The following DOK6 variants were observed in gnomAD, a reference collection of about 807,000 sequenced individuals.
DOK6 encodes the protein docking protein 6, also known as downstream of tyrosine kinase 6.
Under a neutral mutation model 44.0 loss-of-function variants are expected in DOK6, and 22 were observed. The ratio of observed to expected loss-of-function variants is 0.50; its 90% CI spans 0.36 to 0.71. The LOEUF (loss-of-function observed/expected upper bound fraction) is 0.71, where lower values mean the gene tolerates loss of function less well. DOK6 is among the 30% of genes least tolerant of loss of function. The pLI is 0.00. For missense variants in DOK6, 340 were observed against 416.4 expected (o/e 0.82, Z 1.60); for synonymous variants, 166 against 145.5 (o/e 1.14, Z -1.01).
chr18:69,712,551 A>C (rs1362478568), intron 5 of DOK6, among the ~76,000 whole-genome samples: 1 of 152,060 alleles, frequency 6.6e-6, no homozygotes, highest in East Asian at 1.9e-4. Flanking sequence ...TCTTTCTATA[A>C]ATGTACATTG....
At chr18:69,814,864 T>A (rs1258528827) in intron 7 of DOK6, among the ~76,000 whole-genome samples, 1 of 152,050 alleles carries the variant, frequency 6.6e-6, no homozygotes, top group African/African-American at 2.4e-5. Flanking sequence ...AAGATGAGAT[T>A]TGGGTGAGTA....
chr18:69,734,096 C>T (rs1978514600), intron 5 of DOK6, among the ~76,000 whole-genome samples: 2 of 151,726 alleles, frequency 1.3e-5, no homozygotes, highest in African/African-American at 4.8e-5. Context: ...TTTTTTTCCC[C>T]ATTTGCTTTC....
chr18:69,813,483 C>T (rs998573821), intron 7 of DOK6, among the ~76,000 whole-genome samples: 5 of 151,372 alleles, frequency 3.3e-5, no homozygotes, highest in African/African-American at 9.7e-5. Context: ...ATTGGGGAGG[C>T]CCAAATAGAA....
intron 1 of DOK6, among the ~76,000 whole-genome samples, chr18:69,466,765 A>G (rs1007087071): frequency 4.0e-5 from 6 of 151,692 alleles, no homozygotes; most frequent in African/African-American, 9.7e-5. Flanking sequence ...GGGAAAAAAA[A>G]GTAGGAAAAG....
chr18:69,631,123 G>A (rs888006229), intron 3 of DOK6, among the ~76,000 whole-genome samples: 2 of 151,842 alleles, frequency 1.3e-5, no homozygotes, highest in Non-Finnish European at 2.9e-5. Context: ...AAAAAAAGCG[G>A]TTCTCATTTT....
At chr18:69,712,198 G>A (rs368068039) in intron 5 of DOK6, among the ~76,000 whole-genome samples, 8 of 138,996 alleles carry the variant, frequency 5.8e-5, no homozygotes, top group East Asian at 2.2e-4. Context: ...GGAGAATGGC[G>A]TGAATCCGGG....
At chr18:69,823,762 C>T (rs1176072626) in intron 7 of DOK6, among the ~76,000 whole-genome samples, 2 of 151,892 alleles carry the variant, frequency 1.3e-5, no homozygotes, top group South Asian at 2.1e-4. Context: ...CTTTTAGCTC[C>T]CCTGAGACCC....
At chr18:69,401,635 C>G (rs1041572327) in intron 1 of DOK6, among the ~76,000 whole-genome samples, 4 of 152,016 alleles carry the variant, frequency 2.6e-5, no homozygotes, top group Middle Eastern at 3.2e-3. Context: ...CTTTGCGGTG[C>G]TATCCACGAT....
At chr18:69,704,475 CTTTTT>C (rs10685670) in intron 5 of DOK6, among the ~76,000 whole-genome samples, 6 of 107,182 alleles carry the variant, frequency 5.6e-5, no homozygotes, top group Admixed American at 3.3e-4. Context: ...CCAGATATGA[CTTTTT>C]TTTTTTTTTT....
Position 69,694,058 on chromosome 18 carries a change from CAAAAAAAAAAAAA to C in DOK6, c.410-4326_410-4314del, listed in dbSNP as rs60662789. Reference sequence around the variant, plus strand: ...TGGGCGACAGAGCGAGACTCCGTGTCAAAAAAAAAAAAAAAAAAAAAAAAAAAAAAAATTGATC... The same window carrying C: ...TGGGCGACAGAGCGAGACTCCGTGTCAAAAAAAAAAAAAAAAAAATTGATC... On this transcript the variant is annotated intron_variant, in intron 4 of 7. Coordinates refer to ENST00000382713, the MANE Select transcript of DOK6 (RefSeq NM_152721.6). 1.3e-4 allele frequency among the ~76,000 whole-genome samples: 8 copies of C among 62,006 alleles called. No homozygotes were observed. In the East Asian group the frequency reaches 2.1e-3, roughly 16 times the overall value. 40.7% of individuals were successfully genotyped at this position (62,006 alleles called of 152,430 possible). A position where few individuals can be genotyped will look rare whatever the true frequency, so the allele number is the denominator to read the frequency against.
At chr18:69,578,268 C>T (rs1983284131) in intron 2 of DOK6, among the ~76,000 whole-genome samples, 1 of 152,002 alleles carries the variant, frequency 6.6e-6, no homozygotes, top group African/African-American at 2.4e-5. Context: ...ATAATTTAAA[C>T]AACATATTTC....
intron 2 of DOK6, among the ~76,000 whole-genome samples, chr18:69,597,742 ACT>A (rs531393790): frequency 4.2e-5 from 6 of 142,072 alleles, no homozygotes; most frequent in Non-Finnish European, 6.3e-5. Context: ...ACATCTGGAG[ACT>A]CAAACGCCTG....
chr18:69,734,463 C>T (rs1599294624), intron 5 of DOK6, among the ~76,000 whole-genome samples: 1 of 116,048 alleles, frequency 8.6e-6, no homozygotes, highest in South Asian at 2.9e-4. Context: ...AAACTGTTAA[C>T]AGAATAAGTG....
intron 1 of DOK6, among the ~76,000 whole-genome samples, chr18:69,461,487 T>G (rs1270636378): frequency 6.6e-6 from 1 of 152,184 alleles, no homozygotes; most frequent in Non-Finnish European, 1.5e-5. Context: ...TTTATTCATC[T>G]CATCTGCTTA....
chr18:69,563,308 C>A (rs527440478), intron 1 of DOK6, among the ~76,000 whole-genome samples: 171 of 152,200 alleles, frequency 1.1e-3, no homozygotes, highest in African/African-American at 4.0e-3. Flanking sequence ...TGGGTATATA[C>A]CCAAAAGATT....
chr18:69,539,038 G>A (rs534268919), intron 1 of DOK6, among the ~76,000 whole-genome samples: 221 of 152,278 alleles, frequency 1.5e-3, no homozygotes, highest in Non-Finnish European at 2.3e-3. Context: ...AACAGAAGTC[G>A]TGTAATGAGT....
chr18:69,622,926 C>A (rs897568777), intron 3 of DOK6, among the ~76,000 whole-genome samples: 2 of 152,244 alleles, frequency 1.3e-5, no homozygotes, highest in South Asian at 4.2e-4. Flanking sequence ...GTGAAATAAA[C>A]CCATTTGAGT....
At chr18:69,651,478 G>C (rs1013042793) in intron 3 of DOK6, among the ~76,000 whole-genome samples, 4 of 134,684 alleles carry the variant, frequency 3.0e-5, no homozygotes, top group African/African-American at 8.6e-5. Flanking sequence ...TCAGCCCCCC[G>C]CTCCTTTTTT....
chr18:69,667,997 G>T (rs1286231831), intron 3 of DOK6, among the ~76,000 whole-genome samples: 1 of 152,032 alleles, frequency 6.6e-6, no homozygotes, highest in Non-Finnish European at 1.5e-5. Context: ...CTGAACTCTT[G>T]TTATTTTCCT....
Sources: gnomAD v4.1 joint callset for allele counts (sites outside exome capture counted in the v4.1 genomes callset) on GRCh38, gnomAD v4.1.1 for gene constraint, MANE v1.5 for transcripts, NCBI Gene and HGNC (gene_info 2026-07-23, HGNC 2026-07-21) for gene names.